SAMMSON: variants seen among roughly 807,000 people sequenced by gnomAD.
SAMMSON encodes long intergenic non-protein coding RNA 1212.
intron 3 of SAMMSON, among the ~76,000 whole-genome samples, chr3:70,024,165 A>G (rs995037148): frequency 1.3e-5 from 2 of 152,196 alleles, no homozygotes; most frequent in South Asian, 2.1e-4. Flanking sequence ...CCCAAAGAAC[A>G]ATGTCTCACA....
intron 4 of SAMMSON, among the ~76,000 whole-genome samples, chr3:70,245,038 T>C (rs1701693722): frequency 6.6e-6 from 1 of 152,158 alleles, no homozygotes; most frequent in Non-Finnish European, 1.5e-5. Flanking sequence ...CTTAGGGGAT[T>C]TGGAATTGCA....
intron 4 of SAMMSON, among the ~76,000 whole-genome samples, chr3:70,185,462 T>G (rs1207069401): frequency 6.6e-6 from 1 of 152,110 alleles, no homozygotes; most frequent in Non-Finnish European, 1.5e-5. Context: ...ATGATTGAAG[T>G]TTGCCACCCT....
At chr3:70,029,933 T>C (rs969823904) in intron 3 of SAMMSON, among the ~76,000 whole-genome samples, 2 of 152,194 alleles carry the variant, frequency 1.3e-5, no homozygotes, top group Non-Finnish European at 2.9e-5. Context: ...AGATTCTCAC[T>C]TCTAGAATCG....
intron 4 of SAMMSON, among the ~76,000 whole-genome samples, chr3:70,240,926 T>C (rs1202035708): frequency 6.6e-6 from 1 of 152,182 alleles, no homozygotes; most frequent in African/African-American, 2.4e-5. Flanking sequence ...CTTATAAAAG[T>C]TGATTCATCA....
intron 4 of SAMMSON, among the ~76,000 whole-genome samples, chr3:70,112,567 G>C (rs535966626): frequency 2.0e-5 from 3 of 152,250 alleles, no homozygotes; most frequent in Admixed American, 2.0e-4. Flanking sequence ...TAGAAAATAG[G>C]ATAGAAGAAC....
At chr3:70,075,046 A>G (rs901379594) in intron 4 of SAMMSON, 1 of 151,882 alleles carries the variant, frequency 6.6e-6, no homozygotes, top group Non-Finnish European at 1.5e-5. Flanking sequence ...CACACCAGGA[A>G]CTCCTCAGTG....
intron 6 of SAMMSON, among the ~76,000 whole-genome samples, chr3:70,260,522 C>G (rs1701856090): frequency 1.3e-5 from 2 of 151,986 alleles, no homozygotes; most frequent in African/African-American, 4.8e-5. Context: ...TGTGTTAAGT[C>G]AAGGGCTAGG....
intron 4 of SAMMSON, among the ~76,000 whole-genome samples, chr3:70,160,470 T>G (rs1165143166): frequency 6.6e-6 from 1 of 151,086 alleles, no homozygotes; most frequent in African/African-American, 2.4e-5. Context: ...ATTTCTGAGG[T>G]GGGTTTGTTG....
chr3:70,200,199 C>G (rs1394269426), intron 4 of SAMMSON, among the ~76,000 whole-genome samples: 1 of 152,210 alleles, frequency 6.6e-6, no homozygotes, highest in Non-Finnish European at 1.5e-5. Context: ...AGGTCAACAG[C>G]AATAGCCTCC....
intron 4 of SAMMSON, among the ~76,000 whole-genome samples, chr3:70,202,867 G>A (rs910271506): frequency 1.3e-5 from 2 of 152,126 alleles, no homozygotes; most frequent in African/African-American, 4.8e-5. Flanking sequence ...TCACTAGAAA[G>A]CATCATCTTT....
At chr3:70,287,609 AT>A (rs1468451418) in intron 6 of SAMMSON, among the ~76,000 whole-genome samples, 1 of 151,934 alleles carries the variant, frequency 6.6e-6, no homozygotes, top group Non-Finnish European at 1.5e-5. Flanking sequence ...TTTTCTATTG[AT>A]TGGAATAGTT....
chr3:70,133,007 T>G (rs1239637497), intron 4 of SAMMSON, among the ~76,000 whole-genome samples: 2 of 152,108 alleles, frequency 1.3e-5, no homozygotes, highest in Non-Finnish European at 2.9e-5. Flanking sequence ...TATAGGGCAC[T>G]GTGATATTGT....
At chr3:70,218,291 T>C (rs1701433417) in intron 4 of SAMMSON, among the ~76,000 whole-genome samples, 1 of 152,172 alleles carries the variant, frequency 6.6e-6, no homozygotes, top group African/African-American at 2.4e-5. Context: ...ACAGTGAATA[T>C]GGTAGCATGT....
chr3:70,085,272 CCTT>C (rs10567236), intron 4 of SAMMSON, among the ~76,000 whole-genome samples: 3,835 of 152,224 alleles, frequency 0.025, 153 homozygotes, highest in African/African-American at 0.086. Context: ...TGCTTAATAT[CCTT>C]CTTGTTGGTA....
chr3:70,341,011 C>T (rs190147713), intron 7 of SAMMSON, among the ~76,000 whole-genome samples: 1 of 152,136 alleles, frequency 6.6e-6, no homozygotes. Flanking sequence ...ACACCTGTCT[C>T]TCAGGGTGGC....
At chr3:70,395,776 C>A (rs959199993) in intron 2 of SAMMSON, among the ~76,000 whole-genome samples, 3 of 151,866 alleles carry the variant, frequency 2.0e-5, no homozygotes, top group Non-Finnish European at 4.4e-5. Context: ...TATAAAGTAC[C>A]CTGGGTTAGG....
chr3:70,174,327 T>C (rs1401301820), intron 4 of SAMMSON, among the ~76,000 whole-genome samples: 2 of 152,040 alleles, frequency 1.3e-5, no homozygotes, highest in Non-Finnish European at 2.9e-5. Context: ...CACATGTTGA[T>C]ATATTTTTAA....
intron 3 of SAMMSON, among the ~76,000 whole-genome samples, chr3:70,060,006 G>C (rs1232177946): frequency 6.6e-6 from 1 of 152,082 alleles, no homozygotes; most frequent in African/African-American, 2.4e-5. Flanking sequence ...ATGAAGTGCT[G>C]TAGAATGTAT....
At chr3:70,281,986 G>T (rs1174169292) in intron 6 of SAMMSON, among the ~76,000 whole-genome samples, 1 of 152,166 alleles carries the variant, frequency 6.6e-6, no homozygotes, top group Non-Finnish European at 1.5e-5. Context: ...TAGGATGGAA[G>T]TCCACCTGGA....
Sources: allele counts gnomAD v4.1 joint callset (sites outside exome capture counted in the v4.1 genomes callset), GRCh38; gene constraint gnomAD v4.1.1; transcripts MANE v1.5; gene names NCBI Gene and HGNC (gene_info 2026-07-23, HGNC 2026-07-21).